Variants in SPOCK3 observed in about 807,000 individuals in gnomAD.
The protein encoded by SPOCK3 is SPARC (osteonectin), cwcv and kazal like domains proteoglycan 3.
A neutral mutation model predicts 56.6 loss-of-function variants in SPOCK3; 30 were observed. The ratio of observed to expected loss-of-function variants is 0.53; its 90% CI spans 0.40 to 0.72. SPOCK3 has a LOEUF of 0.72. Among genes scored for constraint, SPOCK3 ranks in the 30% least tolerant of loss-of-function variants. The pLI, the probability that SPOCK3 is intolerant of heterozygous loss-of-function variation, is 0.00. For missense variants in SPOCK3, 527 were observed against 530.0 expected (o/e 0.99, Z 0.06); for synonymous variants, 196 against 183.3 (o/e 1.07, Z -0.56).
In SPOCK3 at chr4:166,908,869, G is replaced by A. The variant is rs182337406; in HGVS notation, c.474+3751C>T. Among the ~76,000 whole-genome samples the A allele has an allele frequency of 1.7e-3, 255 of 152,092 alleles. 1 individual carries two copies. Among genetic ancestry groups the A allele is most frequent in the Non-Finnish European group, 3.1e-3 (213 of 67,936 alleles). On this transcript the variant is annotated intron_variant, in intron 5 of 10. Coordinates refer to ENST00000357545, the MANE Select transcript of SPOCK3 (RefSeq NM_001040159.2). ...TGACAATACAATCAAAATAGACTTT[G>A]CCTGAAGTAAAGAAATGAAGGCCTT...
intron 7 of SPOCK3, among the ~76,000 whole-genome samples, chr4:166,783,932 A>AT (rs1484227718): frequency 6.6e-6 from 1 of 151,760 alleles, no homozygotes; most frequent in Non-Finnish European, 1.5e-5. Flanking sequence ...GTTTTGTTTT[A>AT]TTTTTCTGCA....
At chr4:166,956,891 G>T (rs916487083) in intron 4 of SPOCK3, among the ~76,000 whole-genome samples, 1 of 151,934 alleles carries the variant, frequency 6.6e-6, no homozygotes, top group Non-Finnish European at 1.5e-5. Flanking sequence ...CTTGCCTCTC[G>T]CTTACTTCAT....
intron 2 of SPOCK3, among the ~76,000 whole-genome samples, chr4:167,081,578 A>T (rs981480461): frequency 1.3e-5 from 2 of 152,056 alleles, no homozygotes; most frequent in Non-Finnish European, 2.9e-5. Flanking sequence ...AAAACCAAGG[A>T]TGGAAAAATA....
intron 4 of SPOCK3, among the ~76,000 whole-genome samples, chr4:166,988,924 T>C (rs1747464161): frequency 6.6e-6 from 1 of 152,146 alleles, no homozygotes; most frequent in Admixed American, 6.6e-5. Flanking sequence ...ATAATCATGA[T>C]AATCCTTACC....
chr4:167,118,479 TTA>T (rs1761611519), intron 2 of SPOCK3, among the ~76,000 whole-genome samples: 1 of 152,146 alleles, frequency 6.6e-6, no homozygotes, highest in South Asian at 2.1e-4. Context: ...GGCAGTGACG[TTA>T]TAGAGTCAGA....
intron 2 of SPOCK3, among the ~76,000 whole-genome samples, chr4:167,105,422 G>A (rs1383007392): frequency 7.5e-6 from 1 of 133,332 alleles, no homozygotes; most frequent in Non-Finnish European, 1.6e-5. Context: ...CAAGCCTCAT[G>A]ATAATCTCAA....
chr4:167,055,655 G>A (rs138803617), intron 3 of SPOCK3, among the ~76,000 whole-genome samples: 1,730 of 152,302 alleles, frequency 0.011, 15 homozygotes, highest in South Asian at 0.018. Context: ...ATTATATCCC[G>A]CACCTGGCTC....
intron 2 of SPOCK3, among the ~76,000 whole-genome samples, chr4:167,175,807 T>C (rs758186874): frequency 2.6e-5 from 4 of 152,162 alleles, no homozygotes; most frequent in Non-Finnish European, 5.9e-5. Context: ...ATGCTATTTA[T>C]GCCACTCTGG....
At chr4:166,751,270 T>C (rs1736344847) in intron 8 of SPOCK3, among the ~76,000 whole-genome samples, 1 of 152,174 alleles carries the variant, frequency 6.6e-6, no homozygotes, top group Admixed American at 6.6e-5. Flanking sequence ...GCACTACACT[T>C]TGACATCTCT....
At chr4:167,183,653 G>A (rs1731691712) in intron 2 of SPOCK3, among the ~76,000 whole-genome samples, 1 of 152,042 alleles carries the variant, frequency 6.6e-6, no homozygotes, top group Admixed American at 6.5e-5. Flanking sequence ...GAATCTTAGG[G>A]TACAATAGCC....
At chr4:167,115,123 T>G (rs1283741708) in intron 2 of SPOCK3, among the ~76,000 whole-genome samples, 1 of 151,648 alleles carries the variant, frequency 6.6e-6, no homozygotes, top group African/African-American at 2.4e-5. Context: ...AACCAGAGAG[T>G]GGGAGACTGA....
chr4:167,176,857 C>G (rs76829181), intron 2 of SPOCK3, among the ~76,000 whole-genome samples: 6,461 of 152,162 alleles, frequency 0.042, 180 homozygotes, highest in Non-Finnish European at 0.068. Flanking sequence ...ACCTGTCAAA[C>G]GTTGCAAACA....
intron 8 of SPOCK3, among the ~76,000 whole-genome samples, chr4:166,745,679 AAG>A (rs1482191381): frequency 6.6e-6 from 1 of 152,226 alleles, no homozygotes; most frequent in Non-Finnish European, 1.5e-5. Context: ...CCCCAGTTAA[AAG>A]ACACAGACTG....
chr4:166,828,100 CTTAA>C (rs1487115381), intron 6 of SPOCK3, among the ~76,000 whole-genome samples: 4 of 151,912 alleles, frequency 2.6e-5, no homozygotes, highest in African/African-American at 9.7e-5. Flanking sequence ...TAATTACAAG[CTTAA>C]TTAGTTTTAG....
chr4:166,986,069 C>T (rs1747126391), intron 4 of SPOCK3, among the ~76,000 whole-genome samples: 1 of 152,152 alleles, frequency 6.6e-6, no homozygotes, highest in Non-Finnish European at 1.5e-5. Context: ...ATCTACAATA[C>T]TATCATTTCA....
intron 2 of SPOCK3, among the ~76,000 whole-genome samples, chr4:167,134,718 C>T (rs543866851): frequency 1.3e-5 from 2 of 152,236 alleles, no homozygotes; most frequent in South Asian, 2.1e-4. Flanking sequence ...TTTACCATTA[C>T]TCAGAATATT....
chr4:166,771,885 T>A (rs1453103307), intron 7 of SPOCK3, among the ~76,000 whole-genome samples: 1 of 152,056 alleles, frequency 6.6e-6, no homozygotes, highest in South Asian at 2.1e-4. Context: ...CTTCCTCCCA[T>A]AGCCACTGTT....
intron 6 of SPOCK3, among the ~76,000 whole-genome samples, chr4:166,882,475 T>C (rs1733780370): frequency 6.6e-6 from 1 of 152,186 alleles, no homozygotes; most frequent in Non-Finnish European, 1.5e-5. Context: ...CTATGACCAC[T>C]GCTTTTAGGT....
intron 2 of SPOCK3, among the ~76,000 whole-genome samples, chr4:167,151,575 C>T (rs1314619465): frequency 6.6e-6 from 1 of 151,966 alleles, no homozygotes; most frequent in East Asian, 1.9e-4. Flanking sequence ...GGTGGGACTA[C>T]AGGCACCCGC....
Sources: gnomAD v4.1 joint callset for allele counts (sites outside exome capture counted in the v4.1 genomes callset) on GRCh38, gnomAD v4.1.1 for gene constraint, MANE v1.5 for transcripts, NCBI Gene and HGNC (gene_info 2026-07-23, HGNC 2026-07-21) for gene names.